BICRAL: variants seen among roughly 807,000 people sequenced by gnomAD.
The protein encoded by BICRAL is BICRA like chromatin remodeling complex associated protein.
Under a neutral mutation model 91.8 loss-of-function variants are expected in BICRAL, and 8 were observed. The ratio of observed to expected loss-of-function variants is 0.09; its 90% confidence interval spans 0.05 to 0.16. BICRAL has a LOEUF of 0.16. Among genes scored for constraint, BICRAL ranks in the 10% least tolerant of loss-of-function variants. The pLI, the probability that BICRAL is intolerant of heterozygous loss-of-function variation, is 1.00. For synonymous variants in BICRAL, 445 were observed against 491.1 expected (o/e 0.91, Z 1.24); for missense variants, 1,038 against 1,310.9 (o/e 0.79, Z 3.21).
chr6:42,793,939 A>T (rs1314474706), intron 1 of BICRAL, among the ~76,000 whole-genome samples: 1 of 151,506 alleles, frequency 6.6e-6, no homozygotes, highest in Admixed American at 6.6e-5. Flanking sequence ...CATGTTGTCC[A>T]GGCTTGTCTC....
At chr6:42,839,627 C>T (rs138897253) in intron 6 of BICRAL, among the ~76,000 whole-genome samples, 86 of 152,172 alleles carry the variant, frequency 5.7e-4, no homozygotes, top group African/African-American at 2.0e-3. Flanking sequence ...TGAAGCTCAC[C>T]CATCATATCA....
At position 42,822,811 on chromosome 6, in the gene BICRAL, G is replaced by C. The variant is rs1308645950; in HGVS notation, c.57G>C (p.Leu19Phe). ...LLDLIGDPQA[L>F]NYFLHGPSNK... is the part of the protein sequence containing the mutation. ...TCTTTTCTAGAGACCCACAAGCATT[G>C]AACTATTTTCTACATGGACCTAGTA... The change falls in exon 4 of 13, where the codon TTG becomes TTC. Residue 19 changes from leucine (L) to phenylalanine (F), a missense_variant. This residue lies in a region of BICRAL where 115 missense variants were observed against 121.5 expected (regional missense o/e 0.95). Transcript: ENST00000314073. The C allele has an allele frequency of 6.4e-7, 1 of 1,558,720 alleles. No homozygotes were observed. Among genetic ancestry groups the C allele is most frequent in the East Asian group, 2.2e-5 (1 of 44,458 alleles).
chr6:42,829,351 C>A lies in BICRAL; in HGVS notation c.1018C>A (p.Gln340Lys). 6.2e-7 allele frequency: 1 copy of A among 1,614,202 alleles called. No individual in the cohort carries two copies. Among genetic ancestry groups the A allele is most frequent in the Non-Finnish European group, 8.5e-7 (1 of 1,180,042 alleles). ...GGGAATTCAGCAGCACCACGTACAA[C>A]AAGGGATCTCTTTTGCTTCTGCAAG... ...NLGIQQHHVQ[Q>K]GISFASASSP... The change falls in exon 6 of 13, where the codon CAA (glutamine) becomes AAA (lysine). Residue 340 changes from glutamine to lysine, a missense_variant. Gln to Lys is a moderately conservative substitution (Grantham distance 53, BLOSUM62 1). This residue lies in a region of BICRAL where 532 missense variants were observed against 724.9 expected (regional missense o/e 0.73). Transcript: ENST00000314073.
Position 42,829,885 on chromosome 6 carries a change from G to A in BICRAL, c.1552G>A (p.Val518Ile), listed in dbSNP as rs539876077. 3.3e-5 allele frequency: 54 copies of A among 1,614,220 alleles called. No homozygotes were observed. Among genetic ancestry groups the A allele is most frequent in the Non-Finnish European group, 4.2e-5 (50 of 1,180,040 alleles). ...VLHLSPGQSS[V>I]SQGRPGFATM... ...ACACCTGTCACCTGGGCAGAGCAGC[G>A]TTTCCCAAGGAAGACCTGGCTTCGC... is the stretch of plus-strand genomic sequence containing the variant. The change falls in exon 6 of 13, where the codon GTT becomes ATT. Residue 518 changes from valine (V) to isoleucine (I), a missense_variant. Val to Ile is a conservative substitution (Grantham distance 29). This residue lies in a region of BICRAL where 532 missense variants were observed against 724.9 expected (regional missense o/e 0.73). Transcript: ENST00000314073.
At chr6:42,794,631 T>TA (rs1203373036) in intron 1 of BICRAL, among the ~76,000 whole-genome samples, 1 of 151,966 alleles carries the variant, frequency 6.6e-6, no homozygotes, top group Non-Finnish European at 1.5e-5. Context: ...GTTTTAAGGC[T>TA]AAGCTAGACA....
chr6:42,783,570 G>A (rs934180731), intron 1 of BICRAL, among the ~76,000 whole-genome samples: 5 of 152,162 alleles, frequency 3.3e-5, no homozygotes, highest in Admixed American at 6.5e-5. Context: ...CCAGGGCGCC[G>A]CGAGGCCCGG....
At chr6:42,776,227 G>C (rs1762805130) in intron 1 of BICRAL, among the ~76,000 whole-genome samples, 1 of 151,986 alleles carries the variant, frequency 6.6e-6, no homozygotes, top group Non-Finnish European at 1.5e-5. Flanking sequence ...TCACCATATT[G>C]ACCAGGCTGG....
At chr6:42,773,081 AT>A (rs201696990) in intron 1 of BICRAL, among the ~76,000 whole-genome samples, 363 of 144,338 alleles carry the variant, frequency 2.5e-3, no homozygotes, top group African/African-American at 3.1e-3. Flanking sequence ...GAGTGGAGCA[AT>A]TTTTTTTTTT....
At chr6:42,842,672 A>G (rs1485709656) in intron 6 of BICRAL, among the ~76,000 whole-genome samples, 1 of 152,088 alleles carries the variant, frequency 6.6e-6, no homozygotes, top group African/African-American at 2.4e-5. Context: ...CCCTTCACTG[A>G]TCTCTTCCTG....
chr6:42,756,259 G>C (rs1180283100), intron 1 of BICRAL, among the ~76,000 whole-genome samples: 2 of 152,106 alleles, frequency 1.3e-5, no homozygotes, highest in Non-Finnish European at 2.9e-5. Flanking sequence ...ATTTTCAAAT[G>C]CATCGCTCTT....
intron 1 of BICRAL, among the ~76,000 whole-genome samples, chr6:42,783,434 G>A (rs1021782374): frequency 6.6e-6 from 1 of 152,198 alleles, no homozygotes; most frequent in South Asian, 2.1e-4. Flanking sequence ...TTGGGTGGGG[G>A]GGTGCGGTTG....
intron 2 of BICRAL, among the ~76,000 whole-genome samples, chr6:42,812,008 G>C (rs932867248): frequency 2.6e-5 from 4 of 152,090 alleles, no homozygotes; most frequent in Non-Finnish European, 5.9e-5. Context: ...CTGTGTCCTA[G>C]ACAAAGCTCA....
At chr6:42,862,986 G>A (rs1388241123) in intron 12 of BICRAL, among the ~76,000 whole-genome samples, 1 of 150,982 alleles carries the variant, frequency 6.6e-6, no homozygotes, top group African/African-American at 2.4e-5. Flanking sequence ...TTCCACTCTT[G>A]TGTAACAGCA....
intron 1 of BICRAL, among the ~76,000 whole-genome samples, chr6:42,776,807 TG>T (rs1215479412): frequency 6.6e-6 from 1 of 152,182 alleles, no homozygotes; most frequent in Non-Finnish European, 1.5e-5. Flanking sequence ...GTAATAAAAC[TG>T]GAGAGAGAGA....
rs776052379 is a variant in BICRAL at position 42,865,435 on chromosome 6, C to T, written c.3229C>T (p.Leu1077=). 3.1e-6 allele frequency: 5 copies of T among 1,606,560 alleles called. No homozygotes were observed. The highest frequency in any genetic ancestry group is 1.7e-4 in the Middle Eastern group (1 of 6,058). Residue 1077 remains leucine (L), a synonymous_variant, in exon 13 of 13, where the codon CTA becomes TTA. Transcript: ENST00000314073. ...TTTAGAAGCAGCTGTAAATAGTATC[C>T]TAGAGTGTTAATAGCAGCAGTCCTC... is the stretch of plus-strand genomic sequence containing the variant. ...SILEAAVNSI[L]EC
intron 1 of BICRAL, among the ~76,000 whole-genome samples, chr6:42,795,487 TG>T (rs1763394136): frequency 6.6e-6 from 1 of 152,218 alleles, no homozygotes; most frequent in African/African-American, 2.4e-5. Flanking sequence ...TATTTCACAT[TG>T]TTTTATTTCT....
At chr6:42,794,817 C>T (rs953361446) in intron 1 of BICRAL, among the ~76,000 whole-genome samples, 10 of 146,084 alleles carry the variant, frequency 6.8e-5, no homozygotes, top group South Asian at 2.2e-4. Flanking sequence ...AAAAAATAGC[C>T]GGGCGTGGTG....
At chr6:42,782,841 G>A (rs903157973) in intron 1 of BICRAL, among the ~76,000 whole-genome samples, 10 of 152,060 alleles carry the variant, frequency 6.6e-5, no homozygotes, top group Non-Finnish European at 1.5e-4. Flanking sequence ...GAGTGACGGC[G>A]GGCGAGGAAG....
chr6:42,809,107 C>G lies in BICRAL; in HGVS notation c.-101-1199C>G, dbSNP rs567337091. Among the ~76,000 whole-genome samples, 244 of 151,748 alleles carry G rather than the reference C, an allele frequency of 1.6e-3. 1 individual carries two copies. The highest frequency in any genetic ancestry group is 5.6e-3 in the African/African-American group (230 of 41,368). ...CTGGCCTCCCCTAGCCCCCGGCACC[C>G]CCCCCAACAGGCCCCGGTGTGTGAT... On this transcript the variant is annotated intron_variant, in intron 1 of 12. Coordinates refer to ENST00000314073, the MANE Select transcript of BICRAL (RefSeq NM_001393499.1).
Sources: allele counts gnomAD v4.1 joint callset (sites outside exome capture counted in the v4.1 genomes callset), GRCh38; gene constraint gnomAD v4.1.1; regional missense constraint gnomAD v4.1.1; transcripts MANE v1.5; gene names NCBI Gene and HGNC (gene_info 2026-07-23, HGNC 2026-07-21).